The following PABPC4 variants were observed in gnomAD, a reference collection of about 807,000 sequenced individuals.
PABPC4 encodes polyadenylate-binding protein 4.
PABPC4 carries 15 observed loss-of-function variants against 74.5 expected under a neutral mutation model. That is an observed-to-expected ratio of 0.20 (90% CI 0.13 to 0.31). The LOEUF (loss-of-function observed/expected upper bound fraction) is 0.31. Ranked by LOEUF, PABPC4 falls within the 10% of genes least tolerant of loss-of-function variation. PABPC4 has a pLI of 1.00. For missense variants in PABPC4, 610 were observed against 853.5 expected, an observed-to-expected ratio of 0.71 and a Z score of 3.55; for synonymous variants, 345 against 303.0, an observed-to-expected ratio of 1.14 and a Z score of -1.44.
chr1:39,562,575 A>G, intron 12 of PABPC4, 159 bp from the exon 13 acceptor site: 1 of 596,526 alleles, frequency 1.7e-6, no homozygotes, highest in South Asian at 2.2e-5. Context: ...TGAAGGATTG[A>G]GGGGTGTGTT....
Position 39,565,112 on chromosome 1 carries a change from G to T in PABPC4, c.1239C>A (p.Val413=). The T allele has an allele frequency of 6.2e-7, 1 of 1,613,702 alleles. No homozygotes were observed. The highest frequency in any genetic ancestry group is 1.7e-4 in the Middle Eastern group (1 of 5,826). The part of the protein sequence containing the change: ...PAAGGYFVPA[V]PQAQGRPPYY... ...GACCAAACAGCACACCCACCTGTGG[G>T]ACTGCTGGCACAAAGTAGCCACCCG... The change falls in exon 8 of 16, where the codon GTC becomes GTA. Residue 413 remains valine (V), a synonymous_variant. Transcript: ENST00000372858.
chr1:39,564,814 G>C, intron 8 of PABPC4, 41 bp from the exon 9 acceptor site: 1 of 1,452,882 alleles, frequency 6.9e-7, no homozygotes, highest in African/African-American at 1.4e-5. Flanking sequence ...CTTAAGGACT[G>C]AACCCATCCT....
chr1:39,568,002 A>G (rs1008994176), intron 6 of PABPC4, 156 bp from the exon 7 acceptor site: 1 of 546,862 alleles, frequency 1.8e-6, no homozygotes, highest in African/African-American at 1.9e-5. Flanking sequence ...TCACGCCTGT[A>G]ATCCCAGCAC....
intron 1 of PABPC4, among the ~76,000 whole-genome samples, chr1:39,574,541 C>T (rs1645989217): frequency 6.6e-6 from 1 of 152,198 alleles, no homozygotes; most frequent in Non-Finnish European, 1.5e-5. Flanking sequence ...GGTACATTAT[C>T]CCTTAAAAAG....
intron 15 of PABPC4, 131 bp from the exon 16 acceptor site, chr1:39,561,253 C>T (rs149668225): frequency 4.8e-6 from 2 of 413,662 alleles, no homozygotes; most frequent in African/African-American, 4.1e-5. Context: ...TTTGGACATT[C>T]TGTTGGGTCT....
Position 39,561,685 on chromosome 1 carries a change from G to C in PABPC4, c.*13C>G, listed in dbSNP as rs775409679. 1 of 1,604,968 alleles carries C rather than the reference G, an allele frequency of 6.2e-7. No individual in the cohort carries two copies. The highest frequency in any genetic ancestry group is 8.5e-7 in the Non-Finnish European group (1 of 1,173,300). Reference sequence around the variant, plus strand: ...CAAAAATGAAAATAGCCACACATACGGTTTTTCCTTGTCTAAGAGGTAGCA... The same window carrying C: ...CAAAAATGAAAATAGCCACACATACCGTTTTTCCTTGTCTAAGAGGTAGCA... On this transcript the variant is annotated splice_region_variant and 3_prime_UTR_variant, in exon 15 of 16. Transcript: ENST00000372858.
At chr1:39,568,739 A>G in intron 6 of PABPC4, 63 bp downstream of exon 6, 2 of 1,486,172 alleles carry the variant, frequency 1.3e-6, no homozygotes, top group Non-Finnish European at 1.9e-6. Context: ...CGCTAAACAT[A>G]GGGGTGTTCT....
chr1:39,562,531 C>T (rs1645780723), intron 12 of PABPC4, 115 bp from the exon 13 acceptor site: 3 of 733,344 alleles, frequency 4.1e-6, no homozygotes, highest in Non-Finnish European at 4.6e-6. Flanking sequence ...GAGGAGGTGG[C>T]TGTCCTTGCT....
intron 7 of PABPC4, 97 bp from the exon 8 acceptor site, chr1:39,565,475 G>A: frequency 7.6e-7 from 1 of 1,308,216 alleles, no homozygotes; most frequent in Non-Finnish European, 1.1e-6. Flanking sequence ...GCTGAGGTGG[G>A]AGGGCTGCTT....
chr1:39,570,034 C>T (rs1401286649), intron 3 of PABPC4, 32 bp from the exon 4 acceptor site: 3 of 1,605,778 alleles, frequency 1.9e-6, no homozygotes, highest in Admixed American at 1.7e-5. Flanking sequence ...CAGTAATTAC[C>T]CAGAGGAATA....
chr1:39,564,194 A>G, intron 10 of PABPC4: 1 of 630,852 alleles, frequency 1.6e-6, no homozygotes, highest in East Asian at 2.8e-5. Flanking sequence ...TTCTACAACT[A>G]ACCTTTTTCA....
In PABPC4 at chr1:39,564,405, A is replaced by G. The variant is rs563544083; in HGVS notation, c.1453+18T>C. ...TCCCTCCTCCCCAGGCCACACTTCT[A>G]AAGGCCAGTTTGCTCACCGACTCTC... On this transcript the variant is annotated intron_variant, in intron 10 of 15. Coordinates refer to ENST00000372858, the MANE Select transcript of PABPC4 (RefSeq NM_001135653.2). 1.9e-6 allele frequency: 3 copies of G among 1,612,370 alleles called. No homozygotes were observed. Among genetic ancestry groups the G allele is most frequent in the Admixed American group, 1.7e-5 (1 of 59,970 alleles).
chr1:39,565,021 A>T (rs1557714643), intron 8 of PABPC4, 85 bp downstream of exon 8: 2 of 1,431,818 alleles, frequency 1.4e-6, no homozygotes, highest in Admixed American at 1.8e-5. Context: ...TAGAACTCTA[A>T]TAACGAAAAA....
At position 39,562,763 on chromosome 1, in the gene PABPC4, G is replaced by T. The variant is rs376300996; in HGVS notation, c.1669-347C>A. On this transcript the variant is annotated intron_variant, in intron 12 of 15. Coordinates refer to ENST00000372858, the MANE Select transcript of PABPC4 (RefSeq NM_001135653.2). ...AATGAAAAGCCTTGATATAAATAAG[G>T]GTAAACACTTGTATATAACCTTTTC... The T allele has an allele frequency of 1.7e-4, 37 of 216,034 alleles. 1 individual carries two copies. Among genetic ancestry groups the T allele is most frequent in the Middle Eastern group, 1.7e-3 (1 of 574 alleles). The allele number at this position is 216,034 out of a possible 1,614,324, so 13.4% of individuals were successfully genotyped here. A position where few individuals can be genotyped will look rare whatever the true frequency, so the allele number is the denominator to read the frequency against.
At chr1:39,561,526 G>A (rs1194117773) in intron 15 of PABPC4, 159 bp downstream of exon 15, 1 of 614,936 alleles carries the variant, frequency 1.6e-6, no homozygotes, top group East Asian at 2.8e-5. Flanking sequence ...CAGTCCTCAT[G>A]ATAAGAAGTC....
In PABPC4 at chr1:39,565,388, G is replaced by T. The variant is rs757925738; in HGVS notation, c.973-10C>A. The T allele has an allele frequency of 7.5e-6, 12 of 1,604,298 alleles. No homozygotes were observed. The South Asian group carries it at 1.3e-4, about 18-fold the overall frequency. On this transcript the variant is annotated splice_polypyrimidine_tract_variant and intron_variant, in intron 7 of 15. Coordinates refer to ENST00000372858, the MANE Select transcript of PABPC4 (RefSeq NM_001135653.2). ...CATCCTCCAGCATTACCTACAAAAT[G>T]AGACCAGCTACTTAAGAAATAAGGT... is the stretch of plus-strand genomic sequence containing the variant.
At chr1:39,565,504 C>G in intron 7 of PABPC4, 126 bp from the exon 8 acceptor site, 1 of 917,836 alleles carries the variant, frequency 1.1e-6, no homozygotes, top group Non-Finnish European at 1.7e-6. Context: ...GAGGTTGAGA[C>G]CAGCTTGAGC....
chr1:39,566,397 T>C (rs998698812), intron 7 of PABPC4, among the ~76,000 whole-genome samples: 1 of 152,186 alleles, frequency 6.6e-6, no homozygotes, highest in Non-Finnish European at 1.5e-5. Context: ...GCCTAGATTC[T>C]AGTCTCACTT....
At chr1:39,563,805 C>G in intron 11 of PABPC4, 31 bp downstream of exon 11, 1 of 1,614,042 alleles carries the variant, frequency 6.2e-7, no homozygotes, top group Non-Finnish European at 8.5e-7. Context: ...CAAATCCCAT[C>G]TTTCCCCCTT....
Sources: allele counts gnomAD v4.1 joint callset (sites outside exome capture counted in the v4.1 genomes callset), GRCh38; gene constraint gnomAD v4.1.1; transcripts MANE v1.5; gene names NCBI Gene and HGNC (gene_info 2026-07-23, HGNC 2026-07-21).